ST6GAL1: variants seen among roughly 807,000 people sequenced by gnomAD.
The protein encoded by ST6GAL1 is ST6 beta-galactoside alpha-2,6-sialyltransferase 1.
ST6GAL1 carries 20 observed loss-of-function variants against 38.0 expected under a neutral mutation model. The ratio of observed to expected loss-of-function variants is 0.53; its 90% CI spans 0.37 to 0.77. The LOEUF (loss-of-function observed/expected upper bound fraction) is 0.77. Among genes scored for constraint, ST6GAL1 ranks in the 30% least tolerant of loss-of-function variants. The pLI is 0.00. For synonymous variants in ST6GAL1, 196 were observed against 188.2 expected (o/e 1.04, Z -0.34); for missense variants, 432 against 496.4 (o/e 0.87, Z 1.23).
intron 1 of ST6GAL1, among the ~76,000 whole-genome samples, chr3:186,949,538 G>A (rs1472888871): frequency 6.6e-6 from 1 of 152,164 alleles, no homozygotes; most frequent in African/African-American, 2.4e-5. Context: ...AACTGGCCAG[G>A]AGGAGATGAA....
rs1190787927 is a variant in ST6GAL1, at chr3:187,076,974, C to CTGT, written c.*1173_*1175dup. 1.4e-4 allele frequency: 48 copies of CTGT among 345,062 alleles called. No homozygotes were observed. The African/African-American group carries it at 1.8e-3, about 13-fold the overall frequency. 21.4% of individuals were successfully genotyped at this position (345,062 alleles called of 1,614,324 possible). A position where few individuals can be genotyped will look rare whatever the true frequency, so the allele number is the denominator to read the frequency against. ...CCCCAAATCTTCTCCTAACCACCATCTGTTTTTTTTTTTTAAAGCATTTTT... is the reference window on the plus strand; with the variant it reads ...CCCCAAATCTTCTCCTAACCACCATCTGTTGTTTTTTTTTTTTAAAGCATTTTT... On this transcript the variant is annotated 3_prime_UTR_variant, in exon 8 of 8. Transcript: ENST00000169298.
intron 5 of ST6GAL1, among the ~76,000 whole-genome samples, chr3:187,059,802 G>T (rs934852489): frequency 2.6e-5 from 4 of 152,186 alleles, no homozygotes; most frequent in African/African-American, 4.8e-5. Context: ...AGCAAAACAG[G>T]CTCAGCCTCT....
intron 5 of ST6GAL1, among the ~76,000 whole-genome samples, chr3:187,070,728 C>T (rs1204863994): frequency 6.6e-6 from 1 of 152,014 alleles, no homozygotes; most frequent in Admixed American, 6.6e-5. Flanking sequence ...CGGCCCAACA[C>T]TCGCTCACTT....
At chr3:186,934,822 A>C (rs1211985872) in intron 1 of ST6GAL1, among the ~76,000 whole-genome samples, 2 of 151,260 alleles carry the variant, frequency 1.3e-5, no homozygotes, top group Non-Finnish European at 2.9e-5. Flanking sequence ...GCTGGAGTGC[A>C]GTGGTGCAAT....
At position 186,952,285 on chromosome 3, in the gene ST6GAL1, C is replaced by T. The variant is rs1202917245; in HGVS notation, c.-324-11500C>T. 2.0e-5 allele frequency among the ~76,000 whole-genome samples: 3 copies of T among 152,140 alleles called. No individual in the cohort carries two copies. Among genetic ancestry groups the T allele is most frequent in the Non-Finnish European group, 4.4e-5 (3 of 68,032 alleles). On this transcript the variant is annotated intron_variant, in intron 1 of 7. Transcript: ENST00000169298. This position sits in a 1 kb window ranked among gnomAD's most constrained non-coding sequence, Gnocchi z 4.1. ...ACCCATCACACCACCAAAACCATAC[C>T]GGTCAGGCTCACCAGTATCCTCTCT...
At chr3:187,020,533 G>T (rs778849530) in intron 2 of ST6GAL1, among the ~76,000 whole-genome samples, 6 of 152,108 alleles carry the variant, frequency 3.9e-5, no homozygotes, top group Admixed American at 3.9e-4. Context: ...AACATACATC[G>T]GCAAAGTCTT....
Position 187,042,774 on chromosome 3 carries a change from G to T in ST6GAL1, c.71G>T (p.Cys24Phe). The change falls in exon 4 of 8, where the codon TGT becomes TTT. Residue 24 changes from cysteine to phenylalanine, a missense_variant. Transcript: ENST00000169298. ...VLVFLLFAVI[C>F]VWKEKKKGSY... ...GTCTTTCTTCTGTTTGCAGTCATCT[G>T]TGTGTGGAAGGAAAAGAAGAAAGGG... 1 of 1,614,172 alleles carries T rather than the reference G, an allele frequency of 6.2e-7. No homozygotes were observed. The highest frequency in any genetic ancestry group is 1.1e-5 in the South Asian group (1 of 91,082).
intron 2 of ST6GAL1, among the ~76,000 whole-genome samples, chr3:187,016,998 G>A (rs11928027): frequency 0.016 from 2,413 of 152,282 alleles, 71 homozygotes; most frequent in African/African-American, 0.055. Context: ...TTCATAACAG[G>A]CGATCCCCTT....
chr3:186,984,825 TTCCCTCCCTCCCTCCCTCCC>T (rs1560151232), intron 2 of ST6GAL1, among the ~76,000 whole-genome samples: 2 of 42,512 alleles, frequency 4.7e-5, no homozygotes, highest in East Asian at 1.1e-3. Flanking sequence ...CCTTCCTTCC[TTCCCTCCCTCCCTCCCTCCC>T]TCCTTCCTTC....
At chr3:187,049,731 C>A (rs1018796581) in intron 4 of ST6GAL1, among the ~76,000 whole-genome samples, 1 of 152,212 alleles carries the variant, frequency 6.6e-6, no homozygotes, top group Non-Finnish European at 1.5e-5. Context: ...TGGAGCTTCT[C>A]ATCTCTTTTC....
intron 2 of ST6GAL1, among the ~76,000 whole-genome samples, chr3:186,998,771 G>A (rs1716506479): frequency 6.6e-6 from 1 of 152,174 alleles, no homozygotes; most frequent in African/African-American, 2.4e-5. Flanking sequence ...AATCTTCAGT[G>A]TGTATTTTTA....
At chr3:187,042,466 C>T (rs1258762463) in intron 3 of ST6GAL1, among the ~76,000 whole-genome samples, 188 bp from the exon 4 acceptor site, 4 of 152,172 alleles carry the variant, frequency 2.6e-5, no homozygotes, top group Non-Finnish European at 5.9e-5. Context: ...TGTCCACGTT[C>T]AAAGCCCAAA....
At chr3:187,049,071 A>G (rs1718419985) in intron 4 of ST6GAL1, among the ~76,000 whole-genome samples, 1 of 151,956 alleles carries the variant, frequency 6.6e-6, no homozygotes, top group African/African-American at 2.4e-5. Context: ...TTGTATATTT[A>G]GTAGAGATGG....
At chr3:186,997,919 A>G (rs1169276061) in intron 2 of ST6GAL1, among the ~76,000 whole-genome samples, 1 of 152,152 alleles carries the variant, frequency 6.6e-6, no homozygotes, top group African/African-American at 2.4e-5. Flanking sequence ...TGGGCTGCAT[A>G]CGTAGTTTTC....
intron 1 of ST6GAL1, among the ~76,000 whole-genome samples, chr3:186,944,079 T>G (rs1215657923): frequency 6.6e-6 from 1 of 152,218 alleles, no homozygotes; most frequent in Non-Finnish European, 1.5e-5. Flanking sequence ...TGAGTCTTGG[T>G]TCTAGGGTTC....
Position 187,077,116 on chromosome 3 carries a change from C to G in ST6GAL1, c.*1313C>G, listed in dbSNP as rs1242379345. On this transcript the variant is annotated 3_prime_UTR_variant, in exon 8 of 8. Transcript: ENST00000169298. ...TAACGTCACTCTCAGAGGTCAGAAC[C>G]TTGGAGATCAGAACTGATTCTCACC... 1.0e-5 allele frequency: 4 copies of G among 397,846 alleles called. No individual in the cohort carries two copies. The Admixed American group carries it at 1.8e-4, about 18-fold the overall frequency. The allele number at this position is 397,846 out of a possible 1,614,324, so 24.6% of individuals were successfully genotyped here.
At chr3:186,962,270 C>T (rs1430451759) in intron 1 of ST6GAL1, among the ~76,000 whole-genome samples, 3 of 152,170 alleles carry the variant, frequency 2.0e-5, no homozygotes, top group Non-Finnish European at 4.4e-5. Context: ...CCCTGGACAC[C>T]GTCCTTGTGT....
intron 2 of ST6GAL1, among the ~76,000 whole-genome samples, chr3:187,014,847 A>G (rs1316172394): frequency 6.6e-6 from 1 of 152,188 alleles, no homozygotes; most frequent in East Asian, 1.9e-4. Flanking sequence ...TTTATTGTGT[A>G]CAGTAGCCTA....
chr3:187,024,547 A>T (rs937197261), intron 2 of ST6GAL1: 1 of 151,608 alleles, frequency 6.6e-6, no homozygotes, highest in Non-Finnish European at 1.5e-5. Flanking sequence ...ATTTTAACAA[A>T]AAAAGCCTGG....
Sources: allele counts gnomAD v4.1 joint callset (sites outside exome capture counted in the v4.1 genomes callset), GRCh38; gene constraint gnomAD v4.1.1; non-coding constraint Gnocchi (gnomAD v3.1); transcripts MANE v1.5; gene names NCBI Gene and HGNC (gene_info 2026-07-23, HGNC 2026-07-21).